INSYN2B: variants seen among roughly 807,000 people sequenced by gnomAD.
The protein encoded by INSYN2B is protein INSYN2B.
In INSYN2B, 16 loss-of-function variants were observed where a neutral mutation model predicts 41.2. That is an observed-to-expected ratio of 0.39 (90% confidence interval 0.26 to 0.59). The LOEUF is 0.59. Ranked by LOEUF, INSYN2B falls within the 20% of genes least tolerant of loss-of-function variation. The pLI, the probability that INSYN2B is intolerant of heterozygous loss-of-function variation, is 0.57. For missense variants in INSYN2B, 608 were observed against 646.4 expected, an observed-to-expected ratio of 0.94 and a Z score of 0.64; for synonymous variants, 245 against 244.4, an observed-to-expected ratio of 1.00 and a Z score of -0.02.
At chr5:169,963,575 C>G (rs1777177082) in intron 1 of INSYN2B, among the ~76,000 whole-genome samples, 1 of 152,200 alleles carries the variant, frequency 6.6e-6, no homozygotes, top group Admixed American at 6.5e-5. Flanking sequence ...CCAGCCATCA[C>G]AGGGGCACTT....
intron 1 of INSYN2B, among the ~76,000 whole-genome samples, chr5:169,911,000 G>A (rs890556643): frequency 1.1e-4 from 17 of 152,162 alleles, no homozygotes; most frequent in African/African-American, 3.9e-4. Flanking sequence ...ACCCTCAGGT[G>A]CCTCCAAGGC....
intron 1 of INSYN2B, among the ~76,000 whole-genome samples, chr5:169,905,144 A>C (rs1463514146): frequency 6.6e-6 from 1 of 152,212 alleles, no homozygotes; most frequent in Non-Finnish European, 1.5e-5. Flanking sequence ...GAAGGGTTGC[A>C]AACTCACATG....
chr5:169,888,552 A>G (rs1773106377), intron 1 of INSYN2B, among the ~76,000 whole-genome samples: 1 of 152,212 alleles, frequency 6.6e-6, no homozygotes, highest in Non-Finnish European at 1.5e-5. Flanking sequence ...ATATCTCTGT[A>G]GGTTGCAAAC....
intron 1 of INSYN2B, among the ~76,000 whole-genome samples, chr5:169,937,276 G>GA (rs1190620816): frequency 1.3e-5 from 2 of 152,174 alleles, no homozygotes; most frequent in Non-Finnish European, 2.9e-5. Context: ...GGCCCTTTAA[G>GA]AAAAAAATCT....
At chr5:169,905,050 G>A (rs1774197711) in intron 1 of INSYN2B, among the ~76,000 whole-genome samples, 1 of 152,178 alleles carries the variant, frequency 6.6e-6, no homozygotes, top group African/African-American at 2.4e-5. Context: ...CACTCTCATG[G>A]GGCTGAGGTC....
intron 3 of INSYN2B, among the ~76,000 whole-genome samples, chr5:169,873,988 G>A (rs1042648036): frequency 7.2e-5 from 11 of 152,224 alleles, no homozygotes; most frequent in African/African-American, 1.2e-4. Context: ...TGAGGGGGAC[G>A]TGCTAGGAAC....
intron 1 of INSYN2B, among the ~76,000 whole-genome samples, chr5:169,907,970 A>G (rs572984241): frequency 2.4e-4 from 36 of 152,316 alleles, no homozygotes; most frequent in African/African-American, 8.2e-4. Flanking sequence ...ATTTTGTACA[A>G]TATTCCCAGT....
intron 1 of INSYN2B, among the ~76,000 whole-genome samples, chr5:169,906,745 A>G (rs1348076283): frequency 6.6e-6 from 1 of 152,128 alleles, no homozygotes; most frequent in Non-Finnish European, 1.5e-5. Flanking sequence ...CACAGGGAAG[A>G]CCATTCCTGA....
intron 1 of INSYN2B, among the ~76,000 whole-genome samples, chr5:169,925,625 T>TC: frequency 7.4e-6 from 1 of 135,090 alleles, no homozygotes; most frequent in Non-Finnish European, 1.6e-5. Flanking sequence ...TGGGGTGTAA[T>TC]CCCAGCAGCT....
chr5:169,964,807 G>A (rs1777235378), intron 1 of INSYN2B, among the ~76,000 whole-genome samples: 2 of 152,172 alleles, frequency 1.3e-5, no homozygotes, highest in Admixed American at 6.5e-5. Flanking sequence ...GTATAATAAT[G>A]GCATCTACTT....
intron 1 of INSYN2B, among the ~76,000 whole-genome samples, chr5:169,946,441 A>C (rs746845041): frequency 5.3e-5 from 8 of 152,100 alleles, no homozygotes; most frequent in Non-Finnish European, 1.2e-4. Flanking sequence ...TCATATTGGG[A>C]GGAAAGGGCA....
At chr5:169,967,050 G>T (rs1051166691) in intron 1 of INSYN2B, among the ~76,000 whole-genome samples, 2 of 152,222 alleles carry the variant, frequency 1.3e-5, no homozygotes, top group African/African-American at 4.8e-5. Flanking sequence ...TACCTCCTAT[G>T]TGCCAGGCAC....
At chr5:169,903,114 A>G (rs569009344) in intron 1 of INSYN2B, among the ~76,000 whole-genome samples, 19 of 151,806 alleles carry the variant, frequency 1.3e-4, no homozygotes, top group African/African-American at 4.6e-4. Context: ...AAAGAAAGAA[A>G]GGGGTGAATT....
At chr5:169,961,978 CAAA>C (rs70979150) in intron 1 of INSYN2B, among the ~76,000 whole-genome samples, 2 of 74,642 alleles carry the variant, frequency 2.7e-5, no homozygotes, top group African/African-American at 6.8e-5. Flanking sequence ...GACTCTGTCC[CAAA>C]AAAAAAAAAA....
chr5:169,940,059 A>G (rs1358558378), intron 1 of INSYN2B, among the ~76,000 whole-genome samples: 1 of 152,354 alleles, frequency 6.6e-6, no homozygotes, highest in East Asian at 1.9e-4. Flanking sequence ...TGTGTCATCT[A>G]GAGCCCTGGT....
intron 3 of INSYN2B, among the ~76,000 whole-genome samples, chr5:169,877,209 A>G (rs1772381918): frequency 6.6e-6 from 1 of 152,230 alleles, no homozygotes; most frequent in African/African-American, 2.4e-5. Context: ...CTAGTTCCCC[A>G]TGGCTGGAGA....
chr5:169,894,660 G>A (rs1033801846), intron 1 of INSYN2B, among the ~76,000 whole-genome samples: 4 of 152,188 alleles, frequency 2.6e-5, no homozygotes, highest in African/African-American at 4.8e-5. Context: ...CCATTAAAGA[G>A]CCCACTCTTC....
intron 1 of INSYN2B, among the ~76,000 whole-genome samples, chr5:169,933,026 C>T (rs917110401): frequency 4.3e-4 from 65 of 152,174 alleles, no homozygotes; most frequent in African/African-American, 1.5e-3. Context: ...ATGGTTTCTC[C>T]GGCAGGTATT....
intron 1 of INSYN2B, among the ~76,000 whole-genome samples, chr5:169,914,404 A>G (rs1187719465): frequency 6.6e-6 from 1 of 152,202 alleles, no homozygotes; most frequent in Non-Finnish European, 1.5e-5. Flanking sequence ...TGAGCCAGGA[A>G]CTGCTCTTGG....
Sources: allele counts gnomAD v4.1 joint callset (sites outside exome capture counted in the v4.1 genomes callset), GRCh38; gene constraint gnomAD v4.1.1; transcripts MANE v1.5; gene names NCBI Gene and HGNC (gene_info 2026-07-23, HGNC 2026-07-21).